PPM1H: variants seen among roughly 807,000 people sequenced by gnomAD.
PPM1H encodes the protein protein phosphatase, Mg2+/Mn2+ dependent 1H.
Under a neutral mutation model 54.9 loss-of-function variants are expected in PPM1H, and 27 were observed. That is an observed-to-expected ratio of 0.49 (90% confidence interval 0.36 to 0.68). The LOEUF is 0.68. Ranked by LOEUF, PPM1H falls within the 30% of genes least tolerant of loss-of-function variation. PPM1H has a pLI of 0.00. For missense variants in PPM1H, 596 were observed against 667.8 expected (o/e 0.89, Z 1.19); for synonymous variants, 305 against 270.8 (o/e 1.13, Z -1.24).
chr12:62,795,870 G>A (rs2076730923), intron 3 of PPM1H, among the ~76,000 whole-genome samples: 1 of 152,036 alleles, frequency 6.6e-6, no homozygotes, highest in Admixed American at 6.6e-5. Context: ...GGGATTGCAG[G>A]CATGTACCAC....
At chr12:62,681,944 T>G (rs1411065297) in intron 8 of PPM1H, among the ~76,000 whole-genome samples, 2 of 152,230 alleles carry the variant, frequency 1.3e-5, no homozygotes, top group African/African-American at 4.8e-5. Flanking sequence ...AGTTTTTTCC[T>G]TGGTTTCCTT....
chr12:62,773,611 T>G (rs1170581742), intron 4 of PPM1H, among the ~76,000 whole-genome samples: 1 of 152,214 alleles, frequency 6.6e-6, no homozygotes, highest in Non-Finnish European at 1.5e-5. Flanking sequence ...CACTAAACCA[T>G]GAGCTGCTAG....
chr12:62,672,599 A>C (rs1185443011), intron 8 of PPM1H, among the ~76,000 whole-genome samples: 1 of 152,078 alleles, frequency 6.6e-6, no homozygotes, highest in Non-Finnish European at 1.5e-5. Flanking sequence ...TGGTGGGGGG[A>C]ATCTCACCTT....
At chr12:62,864,762 A>G (rs776037497) in intron 1 of PPM1H, among the ~76,000 whole-genome samples, 12 of 152,204 alleles carry the variant, frequency 7.9e-5, no homozygotes, top group Non-Finnish European at 1.5e-4. Flanking sequence ...CAGGTACAAT[A>G]TGAGTAAAAT....
intron 6 of PPM1H, among the ~76,000 whole-genome samples, chr12:62,706,718 C>T (rs1233834875): frequency 6.6e-6 from 1 of 152,148 alleles, no homozygotes; most frequent in African/African-American, 2.4e-5. Flanking sequence ...CACTCTTAAC[C>T]ACGCTTCTCT....
intron 6 of PPM1H, among the ~76,000 whole-genome samples, chr12:62,719,258 T>C (rs2076251337): frequency 6.6e-6 from 1 of 152,228 alleles, no homozygotes; most frequent in Admixed American, 6.5e-5. Flanking sequence ...TGTGACCATC[T>C]GCTATTGCTA....
At chr12:62,820,289 G>T (rs1328610810) in intron 2 of PPM1H, among the ~76,000 whole-genome samples, 1 of 152,226 alleles carries the variant, frequency 6.6e-6, no homozygotes, top group East Asian at 1.9e-4. Context: ...GCTCTGCAAG[G>T]CCTGCTGCCT....
chr12:62,796,875 T>C (rs925800323), intron 3 of PPM1H, among the ~76,000 whole-genome samples: 2 of 152,224 alleles, frequency 1.3e-5, no homozygotes, highest in Non-Finnish European at 2.9e-5. Flanking sequence ...CAGTTTACTG[T>C]GTGATTCTAC....
chr12:62,655,441 C>T (rs1306939108), intron 9 of PPM1H, among the ~76,000 whole-genome samples: 1 of 152,178 alleles, frequency 6.6e-6, no homozygotes, highest in Non-Finnish European at 1.5e-5. Flanking sequence ...TACCTTACAT[C>T]AGGGATCCCT....
intron 5 of PPM1H, among the ~76,000 whole-genome samples, chr12:62,733,284 T>C (rs1321351431): frequency 1.3e-5 from 2 of 152,120 alleles, no homozygotes; most frequent in African/African-American, 4.8e-5. Flanking sequence ...GATGGAGTCT[T>C]GCTCTGTTGC....
chr12:62,916,881 G>A (rs1004112814), intron 1 of PPM1H, among the ~76,000 whole-genome samples: 6 of 150,690 alleles, frequency 4.0e-5, no homozygotes, highest in East Asian at 2.0e-4. Flanking sequence ...GCTAGCTGTC[G>A]GTCGCTTAAC....
In PPM1H at chr12:62,757,683, C is replaced by A. The variant is rs117496549; in HGVS notation, c.870-20097G>T. Among the ~76,000 whole-genome samples, 228 of 152,276 alleles carry A rather than the reference C, an allele frequency of 1.5e-3. 1 individual carries two copies. Among genetic ancestry groups the A allele is most frequent in the Non-Finnish European group, 2.4e-3 (166 of 68,030 alleles). On this transcript the variant is annotated intron_variant, in intron 4 of 9. Coordinates refer to ENST00000228705, the MANE Select transcript of PPM1H (RefSeq NM_020700.2). Reference sequence around the variant, plus strand: ...CAATAGAATTATTGAAAGGCACTTCCTACCATAACACCACTCCAGAAAACA... The same window carrying A: ...CAATAGAATTATTGAAAGGCACTTCATACCATAACACCACTCCAGAAAACA...
intron 1 of PPM1H, among the ~76,000 whole-genome samples, chr12:62,843,566 A>G (rs752948155): frequency 1.2e-4 from 18 of 152,218 alleles, no homozygotes; most frequent in Admixed American, 9.2e-4. Flanking sequence ...TTAGTTGCAC[A>G]ACAGACTATA....
chr12:62,763,430 G>C (rs2076522556), intron 4 of PPM1H, among the ~76,000 whole-genome samples: 1 of 152,184 alleles, frequency 6.6e-6, no homozygotes, highest in African/African-American at 2.4e-5. Flanking sequence ...CAGGAGCAGA[G>C]GTCCTGATTT....
At chr12:62,859,423 T>G (rs1869516902) in intron 1 of PPM1H, among the ~76,000 whole-genome samples, 1 of 152,312 alleles carries the variant, frequency 6.6e-6, no homozygotes, top group Admixed American at 6.5e-5. Context: ...TGCAGTGACT[T>G]GCATTTTAAA....
chr12:62,763,255 A>C lies in PPM1H; in HGVS notation c.869+24971T>G, dbSNP rs534107314. ...ACCGGGGTTGAGTGCTGGCCTTTCC[A>C]CTTGTCCCCTGTAACCCTGGACTGG... is the stretch of plus-strand genomic sequence containing the variant. On this transcript the variant is annotated intron_variant, in intron 4 of 9. Coordinates refer to ENST00000228705, the MANE Select transcript of PPM1H (RefSeq NM_020700.2). 5.7e-4 allele frequency among the ~76,000 whole-genome samples: 86 copies of C among 152,154 alleles called. 1 individual carries two copies. Among genetic ancestry groups the C allele is most frequent in the Admixed American group, 1.8e-3 (27 of 15,286 alleles).
In PPM1H at chr12:62,886,862, G is replaced by A. The variant is rs373463783; in HGVS notation, c.245+47630C>T. Among the ~76,000 whole-genome samples, 4 of 152,184 alleles carry A rather than the reference G, an allele frequency of 2.6e-5. No individual in the cohort carries two copies. The East Asian group carries it at 7.7e-4, about 29-fold the overall frequency. On this transcript the variant is annotated intron_variant, in intron 1 of 9. Coordinates refer to ENST00000228705, the MANE Select transcript of PPM1H (RefSeq NM_020700.2). ...GCTGAAACAAAGGGTTTGCCACTGC[G>A]GTTTTAACTCAGTAAAGGATGGAAT...
chr12:62,695,135 G>A (rs1032244045), intron 6 of PPM1H, among the ~76,000 whole-genome samples: 1 of 152,090 alleles, frequency 6.6e-6, no homozygotes, highest in Non-Finnish European at 1.5e-5. Context: ...GGAAGCTCTT[G>A]AGGTACAAAA....
At chr12:62,692,445 T>C (rs2076088574) in intron 7 of PPM1H, among the ~76,000 whole-genome samples, 1 of 152,244 alleles carries the variant, frequency 6.6e-6, no homozygotes, top group Non-Finnish European at 1.5e-5. Flanking sequence ...ATTTTCCTAT[T>C]GTACTAAGGA....
Sources: allele counts gnomAD v4.1 joint callset (sites outside exome capture counted in the v4.1 genomes callset), GRCh38; gene constraint gnomAD v4.1.1; transcripts MANE v1.5; gene names NCBI Gene and HGNC (gene_info 2026-07-23, HGNC 2026-07-21).